The following AOPEP variants were observed in gnomAD, a reference collection of about 807,000 sequenced individuals.
The protein encoded by AOPEP is aminopeptidase O.
Under a neutral mutation model 98.1 loss-of-function variants are expected in AOPEP, and 77 were observed. The observed-to-expected ratio is 0.78, with a 90% CI of 0.65 to 0.95. AOPEP has a LOEUF of 0.95. Ranked by LOEUF, AOPEP falls within the 40% of genes least tolerant of loss-of-function variation. The probability of loss-of-function intolerance (pLI) is 0.00; values close to 1 mark genes in which losing one functional copy is unlikely to be tolerated. For synonymous variants in AOPEP, 346 were observed against 365.3 expected (o/e 0.95, Z 0.60); for missense variants, 1,024 against 1,024.7 (o/e 1.00, Z 0.01).
intron 11 of AOPEP, among the ~76,000 whole-genome samples, chr9:94,994,229 A>G (rs1011255879): frequency 2.0e-5 from 3 of 152,208 alleles, no homozygotes; most frequent in Non-Finnish European, 4.4e-5. Context: ...TGGGTTTTGC[A>G]TAAATGCCTC....
chr9:94,952,740 T>C (rs1335839695), intron 7 of AOPEP, among the ~76,000 whole-genome samples: 1 of 152,244 alleles, frequency 6.6e-6, no homozygotes, highest in Non-Finnish European at 1.5e-5. Context: ...CCCCTCTGAT[T>C]TCTTGCAAAG....
intron 14 of AOPEP, among the ~76,000 whole-genome samples, chr9:95,063,651 T>A (rs1385736082): frequency 1.4e-4 from 22 of 152,196 alleles, no homozygotes; most frequent in Admixed American, 1.4e-3. Flanking sequence ...AATAAGAACA[T>A]TAGTTTTCTG....
the AOPEP span, among the ~76,000 whole-genome samples, chr9:95,113,227 A>G: frequency 1.3e-5 from 2 of 152,214 alleles, no homozygotes; most frequent in Admixed American, 6.5e-5. Flanking sequence ...AGGAGTGAGC[A>G]GCTGGCACCC....
intron 3 of AOPEP, among the ~76,000 whole-genome samples, chr9:94,774,780 T>C (rs1841709606): frequency 6.6e-6 from 1 of 152,194 alleles, no homozygotes; most frequent in Non-Finnish European, 1.5e-5. Flanking sequence ...TCCCATAATG[T>C]TTTCCAGAAA....
chr9:95,014,715 C>T (rs143029631), intron 13 of AOPEP, among the ~76,000 whole-genome samples: 40 of 152,298 alleles, frequency 2.6e-4, no homozygotes, highest in Admixed American at 4.6e-4. Flanking sequence ...AACTCCATTT[C>T]CATTTATCTT....
At chr9:94,904,247 A>C (rs1232596647) in intron 5 of AOPEP, 1 of 152,252 alleles carries the variant, frequency 6.6e-6, no homozygotes, top group East Asian at 1.9e-4. Flanking sequence ...CATACATGAT[A>C]CTAGAAATCC....
chr9:95,007,491 G>A (rs1041094602), intron 13 of AOPEP, among the ~76,000 whole-genome samples: 1 of 152,094 alleles, frequency 6.6e-6, no homozygotes, highest in African/African-American at 2.4e-5. Flanking sequence ...GGGAAGATTT[G>A]CCTCTCACTT....
the AOPEP span, chr9:95,099,409 G>A: frequency 8.8e-5 from 20 of 226,742 alleles, no homozygotes; most frequent in African/African-American, 2.0e-4. Context: ...CCCCGCCAAC[G>A]CCGTCAAGGC....
chr9:94,827,373 C>A (rs1255766877), intron 5 of AOPEP, among the ~76,000 whole-genome samples: 2 of 152,172 alleles, frequency 1.3e-5, no homozygotes, highest in African/African-American at 4.8e-5. Context: ...AAATCTTGGT[C>A]TTTGAGCCTC....
chr9:95,028,755 G>A (rs2064050835), intron 13 of AOPEP, among the ~76,000 whole-genome samples: 1 of 152,050 alleles, frequency 6.6e-6, no homozygotes, highest in Non-Finnish European at 1.5e-5. Flanking sequence ...TATTTAATTG[G>A]GTACTCAGGC....
chr9:94,757,799 A>G (rs73654271), intron 1 of AOPEP, among the ~76,000 whole-genome samples: 13 of 152,258 alleles, frequency 8.5e-5, no homozygotes, highest in African/African-American at 2.6e-4. Context: ...AGTTTTTTCA[A>G]AGATGCCCAG....
chr9:94,794,106 T>A (rs1000509977), intron 4 of AOPEP, among the ~76,000 whole-genome samples: 5 of 152,034 alleles, frequency 3.3e-5, no homozygotes, highest in African/African-American at 1.2e-4. Context: ...TAGTGATTTC[T>A]TTCTTTTTTG....
chr9:94,983,397 C>T (rs1303479400), intron 11 of AOPEP, among the ~76,000 whole-genome samples: 2 of 152,162 alleles, frequency 1.3e-5, no homozygotes, highest in African/African-American at 2.4e-5. Flanking sequence ...TACACACTTA[C>T]CAAATGTCTA....
At chr9:95,013,233 A>G (rs1461560518) in intron 13 of AOPEP, among the ~76,000 whole-genome samples, 1 of 152,030 alleles carries the variant, frequency 6.6e-6, no homozygotes, top group East Asian at 1.9e-4. Context: ...TAAAAGTATT[A>G]TCCTTTTTTG....
At chr9:95,009,715 C>G (rs2062346609) in intron 13 of AOPEP, among the ~76,000 whole-genome samples, 1 of 152,160 alleles carries the variant, frequency 6.6e-6, no homozygotes, top group Admixed American at 6.5e-5. Context: ...CAGCGCACTT[C>G]AATGTTACCT....
chr9:94,910,127 A>G (rs377357740), intron 5 of AOPEP, among the ~76,000 whole-genome samples: 1 of 152,068 alleles, frequency 6.6e-6, no homozygotes, highest in Non-Finnish European at 1.5e-5. Flanking sequence ...CCCCTTAACT[A>G]GTTTTCTCCC....
At chr9:95,112,392 C>T in the AOPEP span, among the ~76,000 whole-genome samples, 2 of 152,298 alleles carry the variant, frequency 1.3e-5, no homozygotes, top group Admixed American at 6.5e-5. Flanking sequence ...GCATGTTCCT[C>T]TGCCTGGCCC....
chr9:95,034,567 C>T (rs2064609607), intron 13 of AOPEP, among the ~76,000 whole-genome samples: 1 of 152,222 alleles, frequency 6.6e-6, no homozygotes, highest in Admixed American at 6.5e-5. Context: ...TCATGAAACT[C>T]TACTTGGATA....
At chr9:95,114,661 C>T in the AOPEP span, 1 of 1,614,070 alleles carries the variant, frequency 6.2e-7, no homozygotes, top group Non-Finnish European at 8.5e-7. Flanking sequence ...CTTCTCTGAG[C>T]AGTTCAGAAA....
Sources: gnomAD v4.1 joint callset for allele counts (sites outside exome capture counted in the v4.1 genomes callset) on GRCh38, gnomAD v4.1.1 for gene constraint, MANE v1.5 for transcripts, NCBI Gene and HGNC (gene_info 2026-07-23, HGNC 2026-07-21) for gene names.